COL7A1: variants seen among roughly 807,000 people sequenced by gnomAD.
COL7A1 encodes the protein collagen type VII alpha 1 chain.
In COL7A1, 296 loss-of-function variants were observed where a neutral mutation model predicts 456.2. That is an observed-to-expected ratio of 0.65 (90% CI 0.59 to 0.71). The LOEUF is 0.71. COL7A1 is among the 30% of genes least tolerant of loss of function. The pLI is 0.00. For synonymous variants in COL7A1, 1,464 were observed against 1,525.9 expected, an observed-to-expected ratio of 0.96 and a Z score of 0.95; for missense variants, 3,441 against 4,017.2, an observed-to-expected ratio of 0.86 and a Z score of 3.88.
In COL7A1 at chr3:48,594,204, C is replaced by G. The variant is rs1361435494; in HGVS notation, c.266+164G>C. 6.6e-6 allele frequency among the ~76,000 whole-genome samples: 1 copy of G among 152,206 alleles called. No homozygotes were observed. The highest frequency in any genetic ancestry group is 2.4e-5 in the African/African-American group (1 of 41,462). On this transcript the variant is annotated intron_variant, in intron 3 of 118. Transcript: ENST00000681320. This position sits in a 1 kb window ranked among gnomAD's most constrained non-coding sequence, Gnocchi z 5.5. The stretch of plus-strand genomic sequence containing the variant: ...GGCACGAAGGTTCTACCTAGGGAAT[C>G]CTTACCTCTGTCTCCAAAGGAGGTC...
In COL7A1 at chr3:48,569,389, C is replaced by T. The variant is rs766092421; in HGVS notation, c.7672G>A (p.Asp2558Asn). 1.5e-5 allele frequency: 24 copies of T among 1,613,986 alleles called. No homozygotes were observed. In the Admixed American group the frequency reaches 2.7e-4, roughly 18 times the overall value. The stretch of plus-strand genomic sequence containing the variant: ...CTTCCCTGTACCTTGTCACCAGGGT[C>T]CCCATTGTCTCCCCGAGGTCCTTTG... ...GDKGPRGDNG[D>N]PGDKGSKGEP... is the part of the protein sequence containing the mutation. The change falls in exon 103 of 119, where the codon GAC becomes AAC. Residue 2558 changes from aspartate (D) to asparagine (N), a missense_variant. By Grantham distance (23) the Asp-to-Asn change is conservative. Around this residue, in one of 3 missense-constraint regions of COL7A1, gnomAD observed 2,084 missense variants for 2,501.3 expected, o/e 0.83. Coordinates refer to ENST00000681320, the MANE Select transcript of COL7A1 (RefSeq NM_000094.4). This position sits in a 1 kb window ranked among gnomAD's most constrained non-coding sequence, Gnocchi z 4.9.
Position 48,585,455 on chromosome 3 carries a change from A to G in COL7A1, c.3894+102T>C. Reference sequence around the variant, plus strand: ...ATAACCTCCAGCTGGGCTTCTAGGAATTCCCGATGATTCTAACTCTGCTTC... The same window carrying G: ...ATAACCTCCAGCTGGGCTTCTAGGAGTTCCCGATGATTCTAACTCTGCTTC... On this transcript the variant is annotated intron_variant, in intron 32 of 118. Coordinates refer to ENST00000681320, the MANE Select transcript of COL7A1 (RefSeq NM_000094.4). The surrounding 1 kb of genome is among the most constrained non-coding windows in gnomAD (Gnocchi z 4.5). 1 of 1,354,406 alleles carries G rather than the reference A, an allele frequency of 7.4e-7. No individual in the cohort carries two copies. Among genetic ancestry groups the G allele is most frequent in the Non-Finnish European group, 1.1e-6 (1 of 950,216 alleles). The allele number at this position is 1,354,406 out of a possible 1,614,324, so 83.9% of individuals were successfully genotyped here.
Position 48,594,457 on chromosome 3 carries a change from G to C in COL7A1, c.177C>G (p.Ser59Arg), listed in dbSNP as rs200674956. 1.7e-5 allele frequency: 27 copies of C among 1,612,336 alleles called. No individual in the cohort carries two copies. The East Asian group carries it at 4.9e-4, about 29-fold the overall frequency. The stretch of plus-strand genomic sequence containing the variant: ...AAGGCAGCACCAGCCCTTCGAGAAA[G>C]CTGCGGACCTCGCGGAAATTGCTGC... ...IGRSNFREVR[S>R]FLEGLVLPFS... Residue 59 changes from serine to arginine, a missense_variant, in exon 3 of 119, where the codon AGC becomes AGG. Coordinates refer to ENST00000681320, the MANE Select transcript of COL7A1 (RefSeq NM_000094.4). The surrounding 1 kb of genome is among the most constrained non-coding windows in gnomAD (Gnocchi z 5.5).
Position 48,591,961 on chromosome 3 carries a change from G to A in COL7A1, c.1294C>T (p.Leu432Phe). ...RPVILGPTSI[L>F]LSWNLVPEAR... ...TCAGGCACCAAGTTCCAGGAAAGGA[G>A]GATGGATGTGGGGCCCAGGATGACC... is the stretch of plus-strand genomic sequence containing the variant. The change falls in exon 11 of 119, where the codon CTC becomes TTC. Residue 432 changes from leucine (L) to phenylalanine (F), a missense_variant. By Grantham distance (22) the Leu-to-Phe change is conservative (BLOSUM62 0). Transcript: ENST00000681320. The surrounding 1 kb of genome is among the most constrained non-coding windows in gnomAD (Gnocchi z 7.0). 6.8e-6 allele frequency: 11 copies of A among 1,614,216 alleles called. No individual in the cohort carries two copies. The highest frequency in any genetic ancestry group is 9.3e-6 in the Non-Finnish European group (11 of 1,180,036).
In COL7A1 at chr3:48,591,415, G is replaced by A. The variant is rs769962437; in HGVS notation, c.1636+49C>T. 1 of 1,608,164 alleles carries A rather than the reference G, an allele frequency of 6.2e-7. No homozygotes were observed. The highest frequency in any genetic ancestry group is 1.1e-5 in the South Asian group (1 of 90,708). On this transcript the variant is annotated intron_variant, in intron 13 of 118. Coordinates refer to ENST00000681320, the MANE Select transcript of COL7A1 (RefSeq NM_000094.4). The surrounding 1 kb of genome is among the most constrained non-coding windows in gnomAD (Gnocchi z 7.0). ...CTGGAGGTACACTCAGACCCCTCAG[G>A]CTGGAACTTCAGTGTGTGTGGTGGG...
Position 48,575,020 on chromosome 3 carries a change from C to T in COL7A1, c.6279+44G>A, listed in dbSNP as rs761422365. On this transcript the variant is annotated intron_variant, in intron 76 of 118. Coordinates refer to ENST00000681320, the MANE Select transcript of COL7A1 (RefSeq NM_000094.4). This position sits in a 1 kb window ranked among gnomAD's most constrained non-coding sequence, Gnocchi z 6.3. The stretch of plus-strand genomic sequence containing the variant: ...CTGGGGACCAAGCTAAGGGTGGCTT[C>T]CTGGTCACTAGTCACAGGACTAAGG... The T allele has an allele frequency of 6.9e-6, 11 of 1,600,898 alleles. No homozygotes were observed. The highest frequency in any genetic ancestry group is 1.7e-5 in the Admixed American group (1 of 59,866).
At chr3:48,576,817 G>A (rs778107399) in intron 67 of COL7A1, 46 bp from the exon 68 acceptor site, 2 of 1,613,792 alleles carry the variant, frequency 1.2e-6, no homozygotes, top group East Asian at 4.5e-5. Context: ...CCTCAGAAAA[G>A]AGTGGAGTCA....
Position 48,593,278 on chromosome 3 carries a change from C to T in COL7A1, c.521-15G>A. 1.2e-6 allele frequency: 2 copies of T among 1,614,094 alleles called. No individual in the cohort carries two copies. Among genetic ancestry groups the T allele is most frequent in the Non-Finnish European group, 1.7e-6 (2 of 1,180,018 alleles). On this transcript the variant is annotated splice_polypyrimidine_tract_variant and intron_variant, in intron 5 of 118. Transcript: ENST00000681320. The surrounding 1 kb of genome is among the most constrained non-coding windows in gnomAD (Gnocchi z 4.4). ...ATTCTTGATCCCTGAAGTGACGACC[C>T]ATCAGGACTCAGTCACCCACATGCT...
Position 48,592,329 on chromosome 3 carries a change from T to C in COL7A1, c.1093+22A>G, listed in dbSNP as rs746360488. On this transcript the variant is annotated intron_variant, in intron 9 of 118. Transcript: ENST00000681320. The surrounding 1 kb of genome is among the most constrained non-coding windows in gnomAD (Gnocchi z 7.6). ...CTTGTCTGAGGCGCGGGGACTCCCCTCAGCCCACATCTCTCACTCACCACT... is the reference window on the plus strand; with the variant it reads ...CTTGTCTGAGGCGCGGGGACTCCCCCCAGCCCACATCTCTCACTCACCACT... 4 of 1,613,324 alleles carry C rather than the reference T, an allele frequency of 2.5e-6. No homozygotes were observed. Among genetic ancestry groups the C allele is most frequent in the Non-Finnish European group, 3.4e-6 (4 of 1,179,930 alleles).
rs1339773418 is a variant in COL7A1 at position 48,584,691 on chromosome 3, CT to C, written c.4047+42del. 3 of 1,613,794 alleles carry C rather than the reference CT, an allele frequency of 1.9e-6. No homozygotes were observed. The African/African-American group carries it at 4.0e-5, about 22-fold the overall frequency. The stretch of plus-strand genomic sequence containing the variant: ...GGTCTGGTGTGGGGCAGTCCTGCTC[CT>C]CCCTGGGACATCCCGGCCGCCTCCC... On this transcript the variant is annotated intron_variant, in intron 35 of 118. Transcript: ENST00000681320.
Position 48,588,247 on chromosome 3 carries a change from A to C in COL7A1, c.2710+35T>G, listed in dbSNP as rs28581474. On this transcript the variant is annotated intron_variant, in intron 21 of 118. Transcript: ENST00000681320. The surrounding 1 kb of genome is among the most constrained non-coding windows in gnomAD (Gnocchi z 4.6). ...GGAGTCTGCCACAGCCCTGCCCCCA[A>C]TGGTCCCTAACTTCCTCCTGGGGAC... 0.041 allele frequency: 66,762 copies of C among 1,612,544 alleles called. 2,730 individuals carry two copies. The highest frequency in any genetic ancestry group is 0.2 in the African/African-American group (15,239 of 74,900).
At position 48,580,115 on chromosome 3, in the gene COL7A1, G is replaced by A. The variant is rs2044636566; in HGVS notation, c.5098-58C>T. 6.2e-7 allele frequency: 1 copy of A among 1,603,582 alleles called. No individual in the cohort carries two copies. Among genetic ancestry groups the A allele is most frequent in the Non-Finnish European group, 8.5e-7 (1 of 1,172,094 alleles). ...CCCTCAGGTCCCAGGCCATGGCTCT[G>A]GTTTGCCCCAGGCTCAACTCTGCCC... On this transcript the variant is annotated intron_variant, in intron 56 of 118. Coordinates refer to ENST00000681320, the MANE Select transcript of COL7A1 (RefSeq NM_000094.4). This position sits in a 1 kb window ranked among gnomAD's most constrained non-coding sequence, Gnocchi z 4.5.
rs2043997550 is a variant in COL7A1 at position 48,572,494 on chromosome 3, C to G, written c.6936+9G>C. On this transcript the variant is annotated intron_variant, in intron 89 of 118. Transcript: ENST00000681320. This position sits in a 1 kb window ranked among gnomAD's most constrained non-coding sequence, Gnocchi z 4.6. ...ACCCCCCCTCACTGGCAGCCCCACACACACTCACCTTCTCTCCCTTTGCTC... is the reference window on the plus strand; with the variant it reads ...ACCCCCCCTCACTGGCAGCCCCACAGACACTCACCTTCTCTCCCTTTGCTC... The G allele has an allele frequency of 2.5e-6, 4 of 1,613,754 alleles. No homozygotes were observed. The highest frequency in any genetic ancestry group is 3.4e-6 in the Non-Finnish European group (4 of 1,179,930).
Position 48,568,145 on chromosome 3 carries a change from G to A in COL7A1, c.7820C>T (p.Pro2607Leu), listed in dbSNP as rs1355828543. Residue 2607 changes from proline (P) to leucine (L), a missense_variant, in exon 106 of 119, where the codon CCT becomes CTT. Around this residue, in one of 3 missense-constraint regions of COL7A1, gnomAD observed 2,084 missense variants for 2,501.3 expected, o/e 0.83. Transcript: ENST00000681320. The surrounding 1 kb of genome is among the most constrained non-coding windows in gnomAD (Gnocchi z 5.2). ...ATCTCCTTTTTCTCCTCGGATACCAGGCACTCCATCCTTTCCTGGGGATCC... is the reference window on the plus strand; with the variant it reads ...ATCTCCTTTTTCTCCTCGGATACCAAGCACTCCATCCTTTCCTGGGGATCC... ...DPGSPGKDGV[P>L]GIRGEKGDVG... 1.2e-6 allele frequency: 2 copies of A among 1,613,936 alleles called. No individual in the cohort carries two copies.
Position 48,581,853 on chromosome 3 carries a change from C to T in COL7A1, c.4668+58G>A, listed in dbSNP as rs540936781. 1 of 1,613,308 alleles carries T rather than the reference C, an allele frequency of 6.2e-7. No individual in the cohort carries two copies. Among genetic ancestry groups the T allele is most frequent in the South Asian group, 1.1e-5 (1 of 91,072 alleles). ...TGACCCCCCAAGTCCCATAGATAGGCCCTATGACCTAGACCTCAACCCTGT... is the reference window on the plus strand; with the variant it reads ...TGACCCCCCAAGTCCCATAGATAGGTCCTATGACCTAGACCTCAACCCTGT... On this transcript the variant is annotated intron_variant, in intron 48 of 118. Transcript: ENST00000681320. This position sits in a 1 kb window ranked among gnomAD's most constrained non-coding sequence, Gnocchi z 5.8.
Position 48,580,726 on chromosome 3 carries a change from C to T in COL7A1, c.4981-74G>A, listed in dbSNP as rs2107707825. 1 of 1,577,206 alleles carries T rather than the reference C, an allele frequency of 6.3e-7. No homozygotes were observed. The highest frequency in any genetic ancestry group is 2.3e-5 in the East Asian group (1 of 44,354). On this transcript the variant is annotated intron_variant, in intron 54 of 118. Coordinates refer to ENST00000681320, the MANE Select transcript of COL7A1 (RefSeq NM_000094.4). The surrounding 1 kb of genome is among the most constrained non-coding windows in gnomAD (Gnocchi z 4.5). ...TGCCCCTATGACCCGCTACACTGCC[C>T]CAGGTTCCCCATTACTCCAAAATCC...
Position 48,567,606 on chromosome 3 carries a change from C to T in COL7A1, c.8014G>A (p.Ala2672Thr), listed in dbSNP as rs770335015. 3.7e-6 allele frequency: 6 copies of T among 1,614,016 alleles called. No individual in the cohort carries two copies. Among genetic ancestry groups the T allele is most frequent in the African/African-American group, 2.7e-5 (2 of 74,884 alleles). The change falls in exon 109 of 119, where the codon GCC becomes ACC. Residue 2672 changes from alanine (A) to threonine (T), a missense_variant. Ala to Thr is a moderately conservative substitution (Grantham distance 58, BLOSUM62 0). Coordinates refer to ENST00000681320, the MANE Select transcript of COL7A1 (RefSeq NM_000094.4). This position sits in a 1 kb window ranked among gnomAD's most constrained non-coding sequence, Gnocchi z 4.3. ...CCGATCAGGCCCTCCTTGCCAGGGG[C>T]CCCCGACTGGCCCGGCACACCAGGC... The part of the protein sequence containing the change: ...GEPGVPGQSG[A>T]PGKEGLIGPK...
In COL7A1 at chr3:48,590,896, G is replaced by A. The variant is rs532656065; in HGVS notation, c.1637-80C>T. The A allele has an allele frequency of 9.2e-5, 133 of 1,443,148 alleles. No homozygotes were observed. Among genetic ancestry groups the A allele is most frequent in the Admixed American group, 1.4e-4 (8 of 59,006 alleles). The allele number at this position is 1,443,148 out of a possible 1,614,324, so 89.4% of individuals were successfully genotyped here. A position where few individuals can be genotyped will look rare whatever the true frequency, so the allele number is the denominator to read the frequency against. ...GACGATGGCAGTGATGGACAGGGAC[G>A]CAGAGTGAGAAGGGCCATGGGGGTG... On this transcript the variant is annotated intron_variant, in intron 13 of 118. Coordinates refer to ENST00000681320, the MANE Select transcript of COL7A1 (RefSeq NM_000094.4). This position sits in a 1 kb window ranked among gnomAD's most constrained non-coding sequence, Gnocchi z 4.6.
Position 48,569,733 on chromosome 3 carries a change from C to CCTTT in COL7A1, c.7545_7548dup (p.Gly2517LysfsTer3). ...CCCATGCCCACACTCACCTTGTCAC[C>CCTTT]CTTTAGTCCTGCACTCCCAACATCA... is the stretch of plus-strand genomic sequence containing the variant. On this transcript the variant is annotated frameshift_variant, in exon 101 of 119. Transcript: ENST00000681320. LOFTEE classifies it high-confidence loss of function. This position sits in a 1 kb window ranked among gnomAD's most constrained non-coding sequence, Gnocchi z 4.9. The CCTTT allele has an allele frequency of 6.2e-7, 1 of 1,614,180 alleles. No individual in the cohort carries two copies. Among genetic ancestry groups the CCTTT allele is most frequent in the Admixed American group, 1.7e-5 (1 of 60,036 alleles).
Sources: gnomAD v4.1 joint callset for allele counts (sites outside exome capture counted in the v4.1 genomes callset) on GRCh38, gnomAD v4.1.1 for gene constraint, gnomAD v4.1.1 regional missense constraint, Gnocchi (gnomAD v3.1) non-coding constraint, MANE v1.5 for transcripts, NCBI Gene and HGNC (gene_info 2026-07-23, HGNC 2026-07-21) for gene names.